Variants in FYN observed in about 807,000 individuals in gnomAD.
FYN encodes FYN proto-oncogene, Src family tyrosine kinase.
A neutral mutation model predicts 70.2 loss-of-function variants in FYN; 10 were observed. That is an observed-to-expected ratio of 0.14 (90% CI 0.09 to 0.24). The LOEUF is 0.24. FYN is among the 10% of genes least tolerant of loss of function. The pLI is 1.00. For synonymous variants in FYN, 236 were observed against 248.6 expected (o/e 0.95, Z 0.48); for missense variants, 319 against 673.1 (o/e 0.47, Z 5.82).
At chr6:111,846,904 GTACACACACACA>G (rs1773544908) in intron 1 of FYN, among the ~76,000 whole-genome samples, 1 of 152,056 alleles carries the variant, frequency 6.6e-6, no homozygotes, top group African/African-American at 2.4e-5. Flanking sequence ...GGCCTTGTGT[GTACACACACACA>G]TACACACACA....
At chr6:111,807,271 C>T (rs1772179351) in intron 2 of FYN, among the ~76,000 whole-genome samples, 1 of 152,178 alleles carries the variant, frequency 6.6e-6, no homozygotes, top group African/African-American at 2.4e-5. Flanking sequence ...TGGTGAGGAA[C>T]TCCAGGGCAA....
intron 5 of FYN, among the ~76,000 whole-genome samples, chr6:111,712,467 C>T (rs1388923187): frequency 6.6e-6 from 1 of 152,164 alleles, no homozygotes; most frequent in East Asian, 1.9e-4. Flanking sequence ...TTGAAGGTTC[C>T]CATCCCCTTT....
intron 12 of FYN, among the ~76,000 whole-genome samples, chr6:111,680,216 C>T (rs1270709382): frequency 2.0e-5 from 3 of 152,206 alleles, no homozygotes; most frequent in Non-Finnish European, 4.4e-5. Context: ...TTTCTTCCTA[C>T]CACAAGTATT....
chr6:111,709,761 C>T (rs1224607387), intron 5 of FYN, among the ~76,000 whole-genome samples: 1 of 152,122 alleles, frequency 6.6e-6, no homozygotes, highest in Non-Finnish European at 1.5e-5. Context: ...ACCCCGTGAA[C>T]CCACTGCCCA....
chr6:111,704,141 G>A, intron 6 of FYN, 39 bp from the exon 7 acceptor site: 1 of 1,560,370 alleles, frequency 6.4e-7, no homozygotes, highest in East Asian at 2.2e-5. Context: ...TTTTGAAATA[G>A]TCATTTACAA....
chr6:111,722,304 T>G (rs1361071233), intron 3 of FYN, among the ~76,000 whole-genome samples: 1 of 152,222 alleles, frequency 6.6e-6, no homozygotes, highest in Non-Finnish European at 1.5e-5. Context: ...CAGTATACCG[T>G]GCCCAACATG....
chr6:111,733,820 G>A (rs2128473149), intron 3 of FYN, among the ~76,000 whole-genome samples: 1 of 152,340 alleles, frequency 6.6e-6, no homozygotes, highest in African/African-American at 2.4e-5. Flanking sequence ...AGGCACGGTG[G>A]CTCATGCCTG....
At position 111,866,231 on chromosome 6, in the gene FYN, T is replaced by C. The variant is rs369845684; in HGVS notation, c.-123+6737A>G. Among the ~76,000 whole-genome samples, 22 of 152,242 alleles carry C rather than the reference T, an allele frequency of 1.4e-4. No homozygotes were observed. In the South Asian group the frequency reaches 4.6e-3, roughly 32 times the overall value. On this transcript the variant is annotated intron_variant, in intron 1 of 13. Transcript: ENST00000354650. ...CAACCCTCTGAGGCAGGAACTACTA[T>C]CTCCATTTAAAGATGAAGAAAAGGA...
At chr6:111,682,486 T>G (rs920788274) in intron 12 of FYN, among the ~76,000 whole-genome samples, 4 of 152,232 alleles carry the variant, frequency 2.6e-5, no homozygotes, top group Non-Finnish European at 4.4e-5. Context: ...TTCCTGTTCT[T>G]TATGTGTTTT....
intron 2 of FYN, among the ~76,000 whole-genome samples, chr6:111,792,237 A>T (rs1386765689): frequency 2.6e-5 from 4 of 152,236 alleles, no homozygotes; most frequent in Non-Finnish European, 5.9e-5. Flanking sequence ...CAATAAACAT[A>T]TAAAAAGATG....
intron 3 of FYN, among the ~76,000 whole-genome samples, chr6:111,767,633 C>G (rs940676102): frequency 1.3e-5 from 2 of 152,140 alleles, no homozygotes; most frequent in Non-Finnish European, 2.9e-5. Flanking sequence ...ATCTCCTGAC[C>G]TTGTGATCCA....
chr6:111,787,446 C>A (rs1047341980), intron 2 of FYN, among the ~76,000 whole-genome samples: 72 of 152,144 alleles, frequency 4.7e-4, no homozygotes, highest in Admixed American at 3.3e-3. Context: ...GGTACCAGTA[C>A]CATGCTGTTT....
In FYN at chr6:111,674,521, G is replaced by C. The variant is rs776900760; in HGVS notation, c.1383C>G (p.Thr461=). 1.4e-5 allele frequency: 22 copies of C among 1,613,606 alleles called. No homozygotes were observed. The highest frequency in any genetic ancestry group is 1.9e-5 in the Non-Finnish European group (22 of 1,179,680). The change falls in exon 13 of 14, where the codon ACC becomes ACG. Residue 461 remains threonine (T), a synonymous_variant. Coordinates refer to ENST00000354650, the MANE Select transcript of FYN (RefSeq NM_002037.5). ...TACCTGGGTATGGCACTCTTCCTTT[G>C]GTGACCAGCTCTGTGAGTAAGATTC... is the stretch of plus-strand genomic sequence containing the variant. ...SFGILLTELV[T]KGRVPYPGMN... is the part of the protein sequence containing the mutation.
intron 3 of FYN, among the ~76,000 whole-genome samples, chr6:111,776,700 C>T (rs951830609): frequency 1.3e-5 from 2 of 152,132 alleles, no homozygotes; most frequent in South Asian, 4.1e-4. Context: ...GAGTGCATCC[C>T]AAAATATACT....
At chr6:111,767,957 T>A (rs1432776731) in intron 3 of FYN, among the ~76,000 whole-genome samples, 1 of 152,206 alleles carries the variant, frequency 6.6e-6, no homozygotes, top group East Asian at 1.9e-4. Flanking sequence ...TGAGAGCTAC[T>A]CCTTTGAAAA....
chr6:111,764,228 A>AG lies in FYN; in HGVS notation c.-12+16337_-12+16338insC, dbSNP rs1554286118. ...GGATTTTGTCAAGCAAAAAAAAAAAAAAAAGAAAAGAAAAAAAAAGAAAGA... is the reference window on the plus strand; with the variant it reads ...GGATTTTGTCAAGCAAAAAAAAAAAAGAAAAGAAAAGAAAAAAAAAGAAAGA... On this transcript the variant is annotated intron_variant, in intron 3 of 13. Coordinates refer to ENST00000354650, the MANE Select transcript of FYN (RefSeq NM_002037.5). Among the ~76,000 whole-genome samples the AG allele has an allele frequency of 1.9e-3, 255 of 134,900 alleles. 4 individuals carry two copies. The highest frequency in any genetic ancestry group is 7.7e-3 in the African/African-American group (245 of 31,800). The allele number at this position is 134,900 out of a possible 152,430, so 88.5% of individuals were successfully genotyped here. A position where few individuals can be genotyped will look rare whatever the true frequency, so the allele number is the denominator to read the frequency against.
At chr6:111,667,415 TTTTTA>T (rs1798061561) in intron 13 of FYN, among the ~76,000 whole-genome samples, 1 of 152,022 alleles carries the variant, frequency 6.6e-6, no homozygotes, top group Non-Finnish European at 1.5e-5. Flanking sequence ...CTGATTTTTA[TTTTTA>T]TTTATTTTTT....
chr6:111,828,836 A>C (rs1772920951), intron 2 of FYN, among the ~76,000 whole-genome samples: 1 of 152,272 alleles, frequency 6.6e-6, no homozygotes, highest in East Asian at 1.9e-4. Context: ...CAGCAATGTG[A>C]ATACACTTAA....
chr6:111,688,614 CGTGCCCACGCAGCGTGTGT>C (rs1799144246), intron 12 of FYN, among the ~76,000 whole-genome samples: 1 of 152,004 alleles, frequency 6.6e-6, no homozygotes, highest in South Asian at 2.1e-4. Context: ...CTGCTCCAGC[CGTGCCCACGCAGCGTGTGT>C]GTGCTCATGC....
Sources: gnomAD v4.1 joint callset for allele counts (sites outside exome capture counted in the v4.1 genomes callset) on GRCh38, gnomAD v4.1.1 for gene constraint, MANE v1.5 for transcripts, NCBI Gene and HGNC (gene_info 2026-07-23, HGNC 2026-07-21) for gene names.